ZC3H8: variants seen among roughly 807,000 people sequenced by gnomAD.
ZC3H8 encodes zinc finger CCCH-type containing 8.
ZC3H8 carries 27 observed loss-of-function variants against 42.5 expected under a neutral mutation model. The observed-to-expected ratio is 0.64, with a 90% confidence interval of 0.47 to 0.88. The LOEUF (loss-of-function observed/expected upper bound fraction) is 0.88. Ranked by LOEUF, ZC3H8 falls within the 40% of genes least tolerant of loss-of-function variation. The pLI is 0.00. For missense variants in ZC3H8, 277 were observed against 336.1 expected (o/e 0.82, Z 1.37); for synonymous variants, 101 against 110.1 (o/e 0.92, Z 0.52).
At chr2:112,238,114 CA>C (rs1440914615) in intron 3 of ZC3H8, among the ~76,000 whole-genome samples, 200 bp downstream of exon 3, 3 of 152,142 alleles carry the variant, frequency 2.0e-5, no homozygotes, top group South Asian at 4.2e-4. Context: ...GCTCCCTCTA[CA>C]AACTAAGCAT....
chr2:112,252,903 G>A (rs902800846), intron 1 of ZC3H8, among the ~76,000 whole-genome samples: 1 of 152,174 alleles, frequency 6.6e-6, no homozygotes, highest in Admixed American at 6.5e-5. Flanking sequence ...CAGCACTTTG[G>A]GAGGCCAAGG....
intron 2 of ZC3H8, among the ~76,000 whole-genome samples, chr2:112,245,487 C>A (rs1685727564): frequency 6.6e-6 from 1 of 152,302 alleles, no homozygotes; most frequent in Admixed American, 6.5e-5. Flanking sequence ...AACCCCGTCT[C>A]TACTAAAAAT....
At chr2:112,236,811 C>T in intron 3 of ZC3H8, 116 bp from the exon 4 acceptor site, 1 of 976,400 alleles carries the variant, frequency 1.0e-6, no homozygotes, top group Non-Finnish European at 1.5e-6. Context: ...CTTTGGGAGG[C>T]TGAGGCAGGA....
chr2:112,243,344 AAG>A (rs1685647389), intron 2 of ZC3H8, among the ~76,000 whole-genome samples: 1 of 152,260 alleles, frequency 6.6e-6, no homozygotes, highest in Non-Finnish European at 1.5e-5. Context: ...AGACAAATCT[AAG>A]AGAAGAATCG....
intron 5 of ZC3H8, among the ~76,000 whole-genome samples, 174 bp from the exon 6 acceptor site, chr2:112,233,545 ATCT>A (rs139870820): frequency 0.13 from 19,117 of 152,200 alleles, 1,361 homozygotes; most frequent in Non-Finnish European, 0.16. Flanking sequence ...TCTGCTTAAA[ATCT>A]TCTTAAGTCC....
intron 2 of ZC3H8, among the ~76,000 whole-genome samples, chr2:112,238,792 T>C (rs1486042173): frequency 6.6e-6 from 1 of 152,252 alleles, no homozygotes; most frequent in Non-Finnish European, 1.5e-5. Context: ...AAATTCTAAA[T>C]TTGTACATTG....
chr2:112,234,180 A>T lies in ZC3H8; in HGVS notation c.561T>A (p.His187Gln). 6.2e-7 allele frequency: 1 copy of T among 1,611,052 alleles called. No homozygotes were observed. Among genetic ancestry groups the T allele is most frequent in the Non-Finnish European group, 8.5e-7 (1 of 1,178,886 alleles). The change falls in exon 5 of 9, where the codon CAT (histidine) becomes CAA (glutamine). Residue 187 changes from histidine to glutamine, a missense_variant. By Grantham distance (24) the His-to-Gln change is conservative. Transcript: ENST00000409573. The stretch of plus-strand genomic sequence containing the variant: ...TTTGTTTTCCCTTGCGTTCCACTGT[A>T]TGTTGGTTGATGAATGCCTGACTCA... ...QHLSQAFINQ[H>Q]TVERKGKQIC...
chr2:112,218,243 G>A (rs1010444011), intron 8 of ZC3H8, among the ~76,000 whole-genome samples: 1 of 152,148 alleles, frequency 6.6e-6, no homozygotes, highest in African/African-American at 2.4e-5. Flanking sequence ...AATTGTTACT[G>A]CTTCATCAAG....
At chr2:112,251,603 G>A (rs550062488) in intron 1 of ZC3H8, among the ~76,000 whole-genome samples, 2 of 152,116 alleles carry the variant, frequency 1.3e-5, no homozygotes, top group African/African-American at 4.8e-5. Flanking sequence ...CTCCATACAC[G>A]TAACACTTAC....
At chr2:112,245,487 C>G (rs1685727564) in intron 2 of ZC3H8, among the ~76,000 whole-genome samples, 1 of 152,184 alleles carries the variant, frequency 6.6e-6, no homozygotes, top group Non-Finnish European at 1.5e-5. Context: ...AACCCCGTCT[C>G]TACTAAAAAT....
intron 1 of ZC3H8, among the ~76,000 whole-genome samples, chr2:112,254,667 G>A (rs1367723653): frequency 1.3e-5 from 2 of 152,194 alleles, no homozygotes; most frequent in African/African-American, 4.8e-5. Flanking sequence ...CCCCGCCCAG[G>A]CTCTCGACAG....
chr2:112,247,880 A>G (rs1025164652), intron 2 of ZC3H8, among the ~76,000 whole-genome samples: 1 of 152,248 alleles, frequency 6.6e-6, no homozygotes, highest in African/African-American at 2.4e-5. Context: ...GGGAAGTTGA[A>G]GTTGCAATTT....
chr2:112,250,356 C>T, intron 1 of ZC3H8, 84 bp from the exon 2 acceptor site: 1 of 921,952 alleles, frequency 1.1e-6, no homozygotes, highest in Non-Finnish European at 1.5e-6. Context: ...ACTGCTTTGG[C>T]TTGTCTTCAA....
intron 8 of ZC3H8, among the ~76,000 whole-genome samples, chr2:112,226,173 T>A (rs1054271862): frequency 6.6e-6 from 1 of 150,626 alleles, no homozygotes; most frequent in Admixed American, 6.6e-5. Flanking sequence ...GTAGACAACT[T>A]AGATGAAATA....
rs1684845725 is a variant in ZC3H8 at position 112,226,524 on chromosome 2, G to C, written c.*15+4379C>G. Among the ~76,000 whole-genome samples, 3 of 141,216 alleles carry C rather than the reference G, an allele frequency of 2.1e-5. No homozygotes were observed. In the South Asian group the frequency reaches 6.7e-4, roughly 31 times the overall value. 92.6% of individuals were successfully genotyped at this position (141,216 alleles called of 152,430 possible). ...GAATGGTGTGAACCCGGGAGGTGGA[G>C]TTTGCAGTGAGCCAAGATTGTGCCA... On this transcript the variant is annotated intron_variant, in intron 8 of 8. Transcript: ENST00000409573.
chr2:112,248,308 A>G lies in ZC3H8; in HGVS notation c.156+1883T>C, dbSNP rs193075027. Among the ~76,000 whole-genome samples, 476 of 148,498 alleles carry G rather than the reference A, an allele frequency of 3.2e-3. 2 individuals are homozygous for G. Among genetic ancestry groups the G allele is most frequent in the African/African-American group, 0.011 (440 of 39,658 alleles). On this transcript the variant is annotated intron_variant, in intron 2 of 8. Coordinates refer to ENST00000409573, the MANE Select transcript of ZC3H8 (RefSeq NM_032494.3). ...GCTACCACACTCCAGCCTGGGCAAC[A>G]GAGACAGAAAGAAAAGAAAGAAAGA... is the stretch of plus-strand genomic sequence containing the variant.
intron 2 of ZC3H8, among the ~76,000 whole-genome samples, chr2:112,243,815 A>C (rs1454292420): frequency 1.3e-5 from 2 of 152,158 alleles, no homozygotes; most frequent in Non-Finnish European, 2.9e-5. Context: ...ACAAAAAAGC[A>C]AGAAAATAAC....
In ZC3H8 at chr2:112,254,837, A is replaced by C; in HGVS notation, c.74+71T>G. 4 of 1,539,798 alleles carry C rather than the reference A, an allele frequency of 2.6e-6. No homozygotes were observed. In the South Asian group the frequency reaches 3.6e-5, roughly 14 times the overall value. On this transcript the variant is annotated intron_variant, in intron 1 of 8. Coordinates refer to ENST00000409573, the MANE Select transcript of ZC3H8 (RefSeq NM_032494.3). Reference sequence around the variant, plus strand: ...CGGACGTGGCCCCGGACTGCCTCCAATCCAGAAGAAACTAAGAGGCGGAGT... The same window carrying C: ...CGGACGTGGCCCCGGACTGCCTCCACTCCAGAAGAAACTAAGAGGCGGAGT...
intron 6 of ZC3H8, among the ~76,000 whole-genome samples, chr2:112,232,428 C>A (rs1685137253): frequency 6.6e-6 from 1 of 151,502 alleles, no homozygotes. Context: ...TTTAGAAGGA[C>A]TACATACGTA....
Sources: allele counts gnomAD v4.1 joint callset (sites outside exome capture counted in the v4.1 genomes callset), GRCh38; gene constraint gnomAD v4.1.1; transcripts MANE v1.5; gene names NCBI Gene and HGNC (gene_info 2026-07-23, HGNC 2026-07-21).